SYT14: variants seen among roughly 807,000 people sequenced by gnomAD.
SYT14 encodes the protein synaptotagmin 14.
In SYT14, 32 loss-of-function variants were observed where a neutral mutation model predicts 74.2. The ratio of observed to expected loss-of-function variants is 0.43; its 90% CI spans 0.33 to 0.58. SYT14 has a LOEUF of 0.58. SYT14 is among the 20% of genes least tolerant of loss of function. The pLI, the probability that SYT14 is intolerant of heterozygous loss-of-function variation, is 0.05. For synonymous variants in SYT14, 298 were observed against 337.7 expected, an observed-to-expected ratio of 0.88 and a Z score of 1.29; for missense variants, 791 against 981.8, an observed-to-expected ratio of 0.81 and a Z score of 2.60.
intron 8 of SYT14, among the ~76,000 whole-genome samples, chr1:210,156,535 C>T (rs538749627): frequency 6.6e-6 from 1 of 152,036 alleles, no homozygotes. Flanking sequence ...TGACTATATG[C>T]GTGTTATGTC....
intron 7 of SYT14, among the ~76,000 whole-genome samples, chr1:210,137,512 A>G (rs2082811308): frequency 6.6e-6 from 1 of 152,074 alleles, no homozygotes; most frequent in African/African-American, 2.4e-5. Flanking sequence ...GTCCTAGTCC[A>G]TTTTCTCCAG....
At chr1:210,031,015 C>CT (rs1158083811) in intron 5 of SYT14, among the ~76,000 whole-genome samples, 1 of 151,848 alleles carries the variant, frequency 6.6e-6, no homozygotes, top group Non-Finnish European at 1.5e-5. Flanking sequence ...CAACCTTGAC[C>CT]TCCTGGGCTC....
At chr1:210,104,616 T>C (rs1447016981) in intron 7 of SYT14, among the ~76,000 whole-genome samples, 1 of 152,214 alleles carries the variant, frequency 6.6e-6, no homozygotes, top group Non-Finnish European at 1.5e-5. Flanking sequence ...TTTGGTACTA[T>C]ATTACTCTCT....
At chr1:209,965,438 G>A (rs113481135) in intron 2 of SYT14, among the ~76,000 whole-genome samples, 60 of 152,210 alleles carry the variant, frequency 3.9e-4, no homozygotes, top group African/African-American at 1.4e-3. Flanking sequence ...TATGTACCAC[G>A]TTTTCTTTAT....
At chr1:210,023,893 G>A (rs545723663) in intron 5 of SYT14, among the ~76,000 whole-genome samples, 10 of 152,216 alleles carry the variant, frequency 6.6e-5, no homozygotes, top group Non-Finnish European at 1.2e-4. Flanking sequence ...TTAAGCAGGA[G>A]AGTGTGATAA....
Position 210,082,220 on chromosome 1 carries a change from T to C in SYT14, c.1313-12102T>C, listed in dbSNP as rs919546121. Among the ~76,000 whole-genome samples, 5 of 152,212 alleles carry C rather than the reference T, an allele frequency of 3.3e-5. 1 individual carries two copies. Among genetic ancestry groups the C allele is most frequent in the South Asian group, 2.1e-4 (1 of 4,832 alleles). On this transcript the variant is annotated intron_variant, in intron 5 of 9. Coordinates refer to ENST00000637265, the Ensembl canonical transcript of SYT14. ...TTTTAAGTTGTATTGGAAACGTAAA[T>C]GTTTTCAAGCCATAGAGCCATTCTA...
intron 5 of SYT14, among the ~76,000 whole-genome samples, chr1:210,052,605 T>G (rs2081019239): frequency 7.6e-6 from 1 of 132,372 alleles, no homozygotes; most frequent in Admixed American, 8.7e-5. Flanking sequence ...GAGATTGCAG[T>G]GAACTGAGAT....
intron 5 of SYT14, among the ~76,000 whole-genome samples, chr1:210,056,965 C>T (rs1225914562): frequency 6.6e-6 from 1 of 151,956 alleles, no homozygotes; most frequent in Non-Finnish European, 1.5e-5. Context: ...CTGCCTCAGC[C>T]TCCTGAGTAG....
chr1:210,020,973 A>C, intron 4 of SYT14, 66 bp from the exon 4 acceptor site: 5 of 1,329,472 alleles, frequency 3.8e-6, no homozygotes, highest in Non-Finnish European at 5.4e-6. Flanking sequence ...CGGGCCCAGT[A>C]GGGCCAGGTG....
At chr1:210,094,778 G>C (rs915004439) in intron 6 of SYT14, among the ~76,000 whole-genome samples, 185 bp downstream of exon 5, 1 of 152,038 alleles carries the variant, frequency 6.6e-6, no homozygotes, top group African/African-American at 2.4e-5. Context: ...CTAGTCTTCA[G>C]CTGCCCCCAC....
At chr1:210,062,488 T>C (rs1202492805) in intron 5 of SYT14, among the ~76,000 whole-genome samples, 1 of 151,892 alleles carries the variant, frequency 6.6e-6, no homozygotes, top group African/African-American at 2.4e-5. Flanking sequence ...TTTCACAGAT[T>C]ATTAGTTGAT....
intron 9 of SYT14, 40 bp downstream of exon 8, chr1:210,159,517 T>C (rs989399652): frequency 2.6e-6 from 4 of 1,538,980 alleles, no homozygotes; most frequent in Non-Finnish European, 3.5e-6. Context: ...TGTCTTTTCA[T>C]GCAAAACCAA....
exon 10 of SYT14, chr1:210,165,712 T>A (rs1367197801): frequency 6.6e-6 from 1 of 152,178 alleles, no homozygotes; most frequent in African/African-American, 2.4e-5. Flanking sequence ...ATGTCTCTCT[T>A]CCCCCTAGGT....
chr1:210,025,714 G>GT, intron 5 of SYT14, among the ~76,000 whole-genome samples: 1 of 152,152 alleles, frequency 6.6e-6, no homozygotes, highest in Non-Finnish European at 1.5e-5. Flanking sequence ...CATTTATTGA[G>GT]TTCCTACTAC....
At chr1:209,959,075 T>G (rs1027216636) in intron 2 of SYT14, among the ~76,000 whole-genome samples, 8 of 152,194 alleles carry the variant, frequency 5.3e-5, no homozygotes, top group Non-Finnish European at 7.3e-5. Context: ...CCAAGAAAAT[T>G]GAAAACATAT....
intron 2 of SYT14, among the ~76,000 whole-genome samples, chr1:210,002,838 T>G (rs1464453499): frequency 6.6e-6 from 1 of 152,128 alleles, no homozygotes; most frequent in African/African-American, 2.4e-5. Flanking sequence ...GATATGAGCC[T>G]TTTCCTCCTG....
chr1:210,013,571 C>T (rs2080126180), intron 2 of SYT14, 62 bp from the exon 3 acceptor site: 18 of 1,490,490 alleles, frequency 1.2e-5, no homozygotes, highest in Middle Eastern at 2.3e-4. Flanking sequence ...TTTGGGGTTT[C>T]CTTCTTATTT....
chr1:210,046,578 T>C (rs2102362266), intron 5 of SYT14, among the ~76,000 whole-genome samples: 1 of 152,274 alleles, frequency 6.6e-6, no homozygotes, highest in South Asian at 2.1e-4. Flanking sequence ...TTATATAAAT[T>C]CGCCTATTTT....
intron 2 of SYT14, among the ~76,000 whole-genome samples, chr1:210,009,746 G>A (rs933829798): frequency 3.3e-5 from 5 of 152,074 alleles, no homozygotes; most frequent in Admixed American, 2.0e-4. Context: ...ATATTCTGTT[G>A]GCATTTCCAG....
Sources: allele counts gnomAD v4.1 joint callset (sites outside exome capture counted in the v4.1 genomes callset), GRCh38; gene constraint gnomAD v4.1.1; transcripts MANE v1.5; gene names NCBI Gene and HGNC (gene_info 2026-07-23, HGNC 2026-07-21).